CNTNAP3: variants seen among roughly 807,000 people sequenced by gnomAD.
The protein encoded by CNTNAP3 is contactin associated protein family member 3.
In CNTNAP3, 36 loss-of-function variants were observed where a neutral mutation model predicts 92.1. The ratio of observed to expected loss-of-function variants is 0.39; its 90% CI spans 0.30 to 0.52. The LOEUF (loss-of-function observed/expected upper bound fraction) is 0.52, where lower values mean the gene tolerates loss of function less well. Among genes scored for constraint, CNTNAP3 ranks in the 20% least tolerant of loss-of-function variants. The pLI, the probability that CNTNAP3 is intolerant of heterozygous loss-of-function variation, is 0.76. For missense variants in CNTNAP3, 534 were observed against 1,069.6 expected (o/e 0.50, Z 6.98); for synonymous variants, 232 against 422.3 (o/e 0.55, Z 5.53).
intron 9 of CNTNAP3, chr9:39,159,773 G>A (rs1822046475): frequency 8.0e-6 from 1 of 124,476 alleles, no homozygotes; most frequent in South Asian, 2.4e-4. Flanking sequence ...GGGAATGTCT[G>A]TAAATGGATC....
At chr9:39,124,159 T>G (rs1447124802) in intron 13 of CNTNAP3, among the ~76,000 whole-genome samples, 2 of 152,044 alleles carry the variant, frequency 1.3e-5, no homozygotes, top group Non-Finnish European at 2.9e-5. Flanking sequence ...ACAGAAGGAT[T>G]GGAAATGCTG....
chr9:39,109,829 C>T (rs1826699219), intron 14 of CNTNAP3, among the ~76,000 whole-genome samples: 3 of 151,998 alleles, frequency 2.0e-5, no homozygotes, highest in African/African-American at 4.8e-5. Context: ...GGTAACTTCC[C>T]TTCTAAAATT....
At chr9:39,120,097 G>A (rs1328046059) in intron 13 of CNTNAP3, among the ~76,000 whole-genome samples, 1 of 152,118 alleles carries the variant, frequency 6.6e-6, no homozygotes, top group Non-Finnish European at 1.5e-5. Flanking sequence ...GATTTAGGAA[G>A]TAAAGTTTAA....
intron 23 of CNTNAP3, among the ~76,000 whole-genome samples, chr9:39,077,854 A>G (rs1452794943): frequency 6.6e-6 from 1 of 152,132 alleles, no homozygotes; most frequent in African/African-American, 2.4e-5. Context: ...TTGTTTCGGC[A>G]GAATTCTTAC....
intron 18 of CNTNAP3, among the ~76,000 whole-genome samples, chr9:39,090,732 A>C (rs1174774528): frequency 1.3e-5 from 2 of 152,372 alleles, no homozygotes; most frequent in South Asian, 2.1e-4. Context: ...TTCAGGAAAG[A>C]AGCCAGCTGG....
intron 14 of CNTNAP3, among the ~76,000 whole-genome samples, chr9:39,113,912 T>A (rs2117936163): frequency 6.6e-6 from 1 of 151,782 alleles, no homozygotes; most frequent in African/African-American, 2.4e-5. Context: ...TGTTAATTAT[T>A]CCACTGTTTT....
chr9:39,124,804 T>G (rs1821118026), intron 13 of CNTNAP3, among the ~76,000 whole-genome samples: 1 of 152,096 alleles, frequency 6.6e-6, no homozygotes. Context: ...AAAACTACAA[T>G]GAGATACCAT....
At chr9:39,075,011 G>A (rs1414423777) in intron 23 of CNTNAP3, among the ~76,000 whole-genome samples, 2 of 152,154 alleles carry the variant, frequency 1.3e-5, no homozygotes, top group Non-Finnish European at 2.9e-5. Flanking sequence ...CTCATGATCC[G>A]TCCGCCTCGG....
chr9:39,091,394 C>T (rs1826197326), intron 18 of CNTNAP3, among the ~76,000 whole-genome samples: 1 of 152,028 alleles, frequency 6.6e-6, no homozygotes, highest in Non-Finnish European at 1.5e-5. Flanking sequence ...TGAATTTAAA[C>T]AAAAATACAT....
intron 13 of CNTNAP3, among the ~76,000 whole-genome samples, chr9:39,131,926 G>A (rs1170874905): frequency 6.6e-6 from 1 of 151,260 alleles, no homozygotes; most frequent in Non-Finnish European, 1.5e-5. Context: ...ACCACCTTCA[G>A]ATGACAGTCA....
chr9:39,127,989 C>A (rs1821188520), intron 13 of CNTNAP3, among the ~76,000 whole-genome samples: 1 of 152,062 alleles, frequency 6.6e-6, no homozygotes, highest in South Asian at 2.1e-4. Flanking sequence ...TAGGTGTGCG[C>A]CACCACGCCC....
At chr9:39,120,624 T>C (rs1362608310) in intron 13 of CNTNAP3, among the ~76,000 whole-genome samples, 3 of 152,124 alleles carry the variant, frequency 2.0e-5, no homozygotes, top group Admixed American at 6.5e-5. Flanking sequence ...GAGCCGAGAT[T>C]GTGCCACTGC....
chr9:39,150,655 C>T (rs1331370334), intron 9 of CNTNAP3, among the ~76,000 whole-genome samples: 1 of 33,098 alleles, frequency 3.0e-5, no homozygotes, highest in Non-Finnish European at 6.1e-5. Flanking sequence ...CAGGACCTAA[C>T]ACACTGTTAG....
chr9:39,175,404 G>A (rs372864680), intron 7 of CNTNAP3, among the ~76,000 whole-genome samples: 7 of 47,636 alleles, frequency 1.5e-4, no homozygotes, highest in African/African-American at 7.7e-4. Flanking sequence ...AGGCTGAGGC[G>A]GGAGAATGGC....
chr9:39,151,204 G>T (rs1419686846), intron 9 of CNTNAP3, among the ~76,000 whole-genome samples: 1 of 132,450 alleles, frequency 7.6e-6, no homozygotes. Flanking sequence ...AACACTTTTG[G>T]TTTTGTGGGT....
chr9:39,100,946 T>TG, intron 17 of CNTNAP3, among the ~76,000 whole-genome samples: 1 of 150,472 alleles, frequency 6.6e-6, no homozygotes, highest in East Asian at 2.0e-4. Context: ...GGGCCTAAGG[T>TG]GGGGGCCCCA....
At chr9:39,077,835 CA>C (rs61257910) in intron 23 of CNTNAP3, among the ~76,000 whole-genome samples, 23,528 of 151,780 alleles carry the variant, frequency 0.16, 2,335 homozygotes, top group East Asian at 0.25. Flanking sequence ...AACTGTTCTT[CA>C]AAAAAAATTG....
At chr9:39,126,368 C>G (rs1693012) in intron 13 of CNTNAP3, among the ~76,000 whole-genome samples, 3 of 152,108 alleles carry the variant, frequency 2.0e-5, no homozygotes, top group Non-Finnish European at 4.4e-5. Context: ...TCTATCAACA[C>G]TGGAGAAATA....
intron 12 of CNTNAP3, among the ~76,000 whole-genome samples, chr9:39,134,899 A>T (rs1164201287): frequency 6.6e-6 from 1 of 152,250 alleles, no homozygotes; most frequent in African/African-American, 2.4e-5. Context: ...GATTTGTTGT[A>T]CAATGGGAGA....
Sources: gnomAD v4.1 joint callset for allele counts (sites outside exome capture counted in the v4.1 genomes callset) on GRCh38, gnomAD v4.1.1 for gene constraint, MANE v1.5 for transcripts, NCBI Gene and HGNC (gene_info 2026-07-23, HGNC 2026-07-21) for gene names.